The following MAP3K5 variants were observed in gnomAD, a reference collection of about 807,000 sequenced individuals.
MAP3K5 encodes the protein ASK-1.
MAP3K5 carries 56 observed loss-of-function variants against 158.7 expected under a neutral mutation model. That is an observed-to-expected ratio of 0.35 (90% CI 0.28 to 0.44). The LOEUF (loss-of-function observed/expected upper bound fraction) is 0.44. Ranked by LOEUF, MAP3K5 falls within the 20% of genes least tolerant of loss-of-function variation. The pLI is 1.00. For missense variants in MAP3K5, 1,294 were observed against 1,674.8 expected (o/e 0.77, Z 3.97); for synonymous variants, 579 against 601.7 (o/e 0.96, Z 0.55).
At chr6:136,740,214 T>G (rs1424577924) in intron 1 of MAP3K5, among the ~76,000 whole-genome samples, 2 of 152,214 alleles carry the variant, frequency 1.3e-5, no homozygotes, top group East Asian at 3.8e-4. Flanking sequence ...CGTCTTTTCT[T>G]TGGTCATTTC....
intron 1 of MAP3K5, among the ~76,000 whole-genome samples, chr6:136,732,293 C>T (rs1442465027): frequency 6.6e-6 from 1 of 152,050 alleles, no homozygotes; most frequent in African/African-American, 2.4e-5. Flanking sequence ...GGCACAGTGG[C>T]GGGCGCTTGT....
chr6:136,781,791 G>A (rs1784622144), intron 1 of MAP3K5, among the ~76,000 whole-genome samples: 1 of 152,200 alleles, frequency 6.6e-6, no homozygotes, highest in Non-Finnish European at 1.5e-5. Flanking sequence ...TATAAATTGG[G>A]AAATATCTAG....
At chr6:136,586,249 A>C (rs1775134588) in intron 23 of MAP3K5, among the ~76,000 whole-genome samples, 1 of 152,252 alleles carries the variant, frequency 6.6e-6, no homozygotes, top group Non-Finnish European at 1.5e-5. Flanking sequence ...GTTCAAGAAG[A>C]AAAATGTGAG....
intron 7 of MAP3K5, among the ~76,000 whole-genome samples, chr6:136,681,240 T>C (rs1779920076): frequency 6.6e-6 from 1 of 152,208 alleles, no homozygotes; most frequent in South Asian, 2.1e-4. Flanking sequence ...TCTCACTCAT[T>C]TCTCTAATAA....
intron 1 of MAP3K5, among the ~76,000 whole-genome samples, chr6:136,748,559 A>G (rs1250935706): frequency 6.6e-6 from 1 of 152,244 alleles, no homozygotes; most frequent in Non-Finnish European, 1.5e-5. Context: ...AACATATGCA[A>G]AGACAAGACA....
chr6:136,769,763 GGAAGGAAGGAAGGAAGGA>G (rs1784105135), intron 1 of MAP3K5, among the ~76,000 whole-genome samples: 6 of 36,796 alleles, frequency 1.6e-4, no homozygotes, highest in African/African-American at 8.1e-4. Flanking sequence ...AAGGAAGGAA[GGAAGGAAGGAAGGAAGGA>G]AGGAAGGAAG....
chr6:136,625,355 G>A (rs912545221), intron 14 of MAP3K5, among the ~76,000 whole-genome samples: 1 of 152,236 alleles, frequency 6.6e-6, no homozygotes, highest in Non-Finnish European at 1.5e-5. Flanking sequence ...GACCTCTCAT[G>A]TGGGGCTTGG....
intron 16 of MAP3K5, 69 bp downstream of exon 16, chr6:136,614,090 C>T (rs765521724): frequency 2.8e-5 from 43 of 1,540,776 alleles, no homozygotes; most frequent in Non-Finnish European, 3.7e-5. Context: ...GCTAGTAAAT[C>T]CCATTCAATT....
At chr6:136,774,978 G>A (rs1784350604) in intron 1 of MAP3K5, among the ~76,000 whole-genome samples, 1 of 152,096 alleles carries the variant, frequency 6.6e-6, no homozygotes, top group Admixed American at 6.5e-5. Context: ...CAAGACCTAT[G>A]GAGCAACAGC....
At chr6:136,672,255 T>C (rs927038160) in intron 7 of MAP3K5, among the ~76,000 whole-genome samples, 1 of 151,984 alleles carries the variant, frequency 6.6e-6, no homozygotes, top group East Asian at 1.9e-4. Context: ...AGAATACATA[T>C]CAAAAACACA....
At chr6:136,726,488 G>A (rs1173542896) in intron 1 of MAP3K5, among the ~76,000 whole-genome samples, 2 of 152,058 alleles carry the variant, frequency 1.3e-5, no homozygotes, top group African/African-American at 4.8e-5. Context: ...AGCTACTTGG[G>A]AGGCTGAGGC....
chr6:136,623,479 A>G (rs1357838824), intron 14 of MAP3K5, among the ~76,000 whole-genome samples: 5 of 152,164 alleles, frequency 3.3e-5, no homozygotes, highest in Non-Finnish European at 7.3e-5. Flanking sequence ...AGTCAGGATT[A>G]TTTTACTTCA....
intron 1 of MAP3K5, among the ~76,000 whole-genome samples, chr6:136,737,368 C>A (rs1452838773): frequency 6.6e-6 from 1 of 152,024 alleles, no homozygotes; most frequent in Non-Finnish European, 1.5e-5. Context: ...CAAACCTGCA[C>A]ATGTATCCTC....
At chr6:136,682,059 C>G (rs942239889) in intron 7 of MAP3K5, among the ~76,000 whole-genome samples, 2 of 152,190 alleles carry the variant, frequency 1.3e-5, no homozygotes, top group Non-Finnish European at 2.9e-5. Context: ...GTTTACAAAG[C>G]AGCTATGGAC....
chr6:136,710,767 G>A (rs538646450), intron 2 of MAP3K5, among the ~76,000 whole-genome samples: 8 of 152,224 alleles, frequency 5.3e-5, no homozygotes, highest in Admixed American at 2.0e-4. Flanking sequence ...GAGCAGGCTT[G>A]GAGTTCTTGC....
In MAP3K5 at chr6:136,561,573, C is replaced by T. The variant is rs1830515426; in HGVS notation, c.3947G>A (p.Trp1316Ter). 1.2e-6 allele frequency: 2 copies of T among 1,613,866 alleles called. No individual in the cohort carries two copies. The highest frequency in any genetic ancestry group is 1.7e-6 in the Non-Finnish European group (2 of 1,179,858). Residue 1316 changes from tryptophan (W) to a stop codon, truncating the protein, a stop_gained, in exon 28 of 30, where the codon TGG (tryptophan) becomes TAG (stop). Transcript: ENST00000359015. LOFTEE classifies it high-confidence loss of function. ...TNTEDSELTDWLRVNGADEDT... is the reference protein window; with the variant it reads ...TNTEDSELTD The stretch of plus-strand genomic sequence containing the variant: ...TTCATCAGCTCCATTCACTCTCAGC[C>T]AGTCGGTAAGTTCAGAATCTTCAGT...
chr6:136,601,699 G>C, intron 20 of MAP3K5, 103 bp downstream of exon 20: 2 of 990,792 alleles, frequency 2.0e-6, no homozygotes, highest in Non-Finnish European at 3.0e-6. Flanking sequence ...CCAATTTCCA[G>C]TGATATCTGT....
intron 24 of MAP3K5, 37 bp from the exon 25 acceptor site, chr6:136,580,443 T>C (rs1028276642): frequency 2.3e-6 from 3 of 1,281,296 alleles, no homozygotes; most frequent in Admixed American, 1.7e-5. Flanking sequence ...CTTTAATTTT[T>C]AATTGCAAAT....
At chr6:136,731,410 T>C (rs999990072) in intron 1 of MAP3K5, among the ~76,000 whole-genome samples, 1 of 152,166 alleles carries the variant, frequency 6.6e-6, no homozygotes, top group Admixed American at 6.5e-5. Context: ...TAGAAGATAA[T>C]CAGTTCCTTG....
Sources: gnomAD v4.1 joint callset for allele counts (sites outside exome capture counted in the v4.1 genomes callset) on GRCh38, gnomAD v4.1.1 for gene constraint, MANE v1.5 for transcripts, NCBI Gene and HGNC (gene_info 2026-07-23, HGNC 2026-07-21) for gene names.